The following INPP4B variants were observed in gnomAD, a reference collection of about 807,000 sequenced individuals.
INPP4B encodes the protein inositol polyphosphate-4-phosphatase type II B.
A neutral mutation model predicts 122.5 loss-of-function variants in INPP4B; 55 were observed. That is an observed-to-expected ratio of 0.45 (90% confidence interval 0.36 to 0.56). The LOEUF is 0.56. INPP4B is among the 20% of genes least tolerant of loss of function. The pLI is 0.00. For synonymous variants in INPP4B, 403 were observed against 388.7 expected, an observed-to-expected ratio of 1.04 and a Z score of -0.43; for missense variants, 1,000 against 1,097.7, an observed-to-expected ratio of 0.91 and a Z score of 1.26.
chr4:142,785,124 G>A (rs1775561593), intron 1 of INPP4B, among the ~76,000 whole-genome samples: 1 of 152,064 alleles, frequency 6.6e-6, no homozygotes, highest in Non-Finnish European at 1.5e-5. Context: ...GAAACTCGAA[G>A]ACAACAGAGG....
intron 1 of INPP4B, among the ~76,000 whole-genome samples, chr4:142,756,473 G>A (rs1451699934): frequency 1.3e-5 from 2 of 151,970 alleles, no homozygotes; most frequent in Non-Finnish European, 2.9e-5. Context: ...CATCTTATAA[G>A]ATCCTTGATA....
At chr4:142,298,184 GA>G (rs1276371654) in intron 9 of INPP4B, among the ~76,000 whole-genome samples, 4 of 152,306 alleles carry the variant, frequency 2.6e-5, no homozygotes, top group African/African-American at 9.6e-5. Flanking sequence ...GGTTATAGAA[GA>G]AAAGCATGAG....
chr4:142,626,747 A>C (rs943773644), intron 2 of INPP4B, among the ~76,000 whole-genome samples: 7 of 151,976 alleles, frequency 4.6e-5, no homozygotes, highest in Non-Finnish European at 1.0e-4. Flanking sequence ...CAACATATTC[A>C]CTCTGTCTTT....
chr4:142,740,337 A>G (rs1767721462), intron 1 of INPP4B, among the ~76,000 whole-genome samples: 1 of 152,132 alleles, frequency 6.6e-6, no homozygotes. Flanking sequence ...ATTGTGCTCA[A>G]TAAGTAGATT....
intron 7 of INPP4B, among the ~76,000 whole-genome samples, chr4:142,344,750 A>G (rs745546407): frequency 3.9e-5 from 6 of 152,020 alleles, no homozygotes; most frequent in Non-Finnish European, 7.4e-5. Flanking sequence ...GGATCAGGAA[A>G]AATAATGCAT....
At chr4:142,843,406 T>C (rs1049701636) in intron 1 of INPP4B, among the ~76,000 whole-genome samples, 4 of 151,916 alleles carry the variant, frequency 2.6e-5, no homozygotes, top group Non-Finnish European at 5.9e-5. Context: ...ATGGAAAAGA[T>C]TCCTTAAGGC....
At chr4:142,190,749 CGT>C (rs959487660) in intron 15 of INPP4B, among the ~76,000 whole-genome samples, 7 of 125,156 alleles carry the variant, frequency 5.6e-5, no homozygotes, top group African/African-American at 2.0e-4. Flanking sequence ...TGTGTGTGCG[CGT>C]GTGTGTTGAT....
intron 2 of INPP4B, among the ~76,000 whole-genome samples, chr4:142,481,043 G>A (rs1820457041): frequency 6.7e-6 from 1 of 149,566 alleles, no homozygotes; most frequent in African/African-American, 2.5e-5. Context: ...GCTGAGGCAG[G>A]AGAATCACTT....
intron 1 of INPP4B, among the ~76,000 whole-genome samples, chr4:142,800,649 C>T (rs998465005): frequency 2.2e-4 from 34 of 152,058 alleles, no homozygotes; most frequent in African/African-American, 7.0e-4. Flanking sequence ...CACTAAGTAA[C>T]CTTATTATGT....
In INPP4B at chr4:142,123,376, T is replaced by C; in HGVS notation, c.1933A>G (p.Thr645Ala). 2 of 1,613,084 alleles carry C rather than the reference T, an allele frequency of 1.2e-6. No homozygotes were observed. Among genetic ancestry groups the C allele is most frequent in the South Asian group, 1.1e-5 (1 of 91,004 alleles). ...AGGAAGCCTGGGTCATACAGACTTG[T>C]CTGTAATTTGATGATAAAACCACAA... ...LVCGFIIKLQ[T>A]SLYDPGFLQQ... is the part of the protein sequence containing the mutation. The change falls in exon 20 of 26, where the codon ACA (threonine) becomes GCA (alanine). Residue 645 changes from threonine to alanine, a missense_variant. By Grantham distance (58) the Thr-to-Ala change is moderately conservative. Transcript: ENST00000262992.
At chr4:142,755,473 C>T (rs1174825570) in intron 1 of INPP4B, among the ~76,000 whole-genome samples, 1 of 151,918 alleles carries the variant, frequency 6.6e-6, no homozygotes, top group Non-Finnish European at 1.5e-5. Context: ...TACTTCCAAA[C>T]ACAAAGCTAT....
At chr4:142,029,614 C>A in intron 25 of INPP4B, 1 of 985,046 alleles carries the variant, frequency 1.0e-6, no homozygotes, top group Non-Finnish European at 1.2e-6. Flanking sequence ...AATAGCCATT[C>A]TCTCCATAAA....
chr4:142,720,439 T>G (rs1764371472), intron 2 of INPP4B, among the ~76,000 whole-genome samples: 2 of 152,006 alleles, frequency 1.3e-5, no homozygotes, highest in African/African-American at 2.4e-5. Context: ...CCAGGTTTCC[T>G]CTTTCCCAAT....
At chr4:142,559,076 T>C (rs1203713434) in intron 2 of INPP4B, among the ~76,000 whole-genome samples, 1 of 152,156 alleles carries the variant, frequency 6.6e-6, no homozygotes, top group African/African-American at 2.4e-5. Context: ...TGGTGCACAA[T>C]GATTTCAGTC....
In INPP4B at chr4:142,113,985, G is replaced by T. The variant is rs1390004605; in HGVS notation, c.2136-1303C>A. 3.9e-5 allele frequency among the ~76,000 whole-genome samples: 6 copies of T among 152,042 alleles called. No homozygotes were observed. In the East Asian group the frequency reaches 1.2e-3, roughly 29 times the overall value. ...TATACTACCACCGCTAGCCCAGAAA[G>T]CCACACATCTATTTTCTCTCTGTTT... is the stretch of plus-strand genomic sequence containing the variant. On this transcript the variant is annotated intron_variant, in intron 21 of 25. Coordinates refer to ENST00000262992, the MANE Select transcript of INPP4B (RefSeq NM_001101669.3).
At chr4:142,376,879 T>C (rs1298792940) in intron 7 of INPP4B, among the ~76,000 whole-genome samples, 1 of 152,036 alleles carries the variant, frequency 6.6e-6, no homozygotes, top group Non-Finnish European at 1.5e-5. Context: ...GGATCAAATG[T>C]GGTGCTCTCT....
chr4:142,813,351 A>G (rs555524634), intron 1 of INPP4B, among the ~76,000 whole-genome samples: 8 of 152,316 alleles, frequency 5.3e-5, no homozygotes, highest in Admixed American at 1.3e-4. Flanking sequence ...TGGATCTCCT[A>G]GAAAACAAAC....
intron 11 of INPP4B, among the ~76,000 whole-genome samples, chr4:142,240,333 C>T (rs190531042): frequency 7.8e-4 from 118 of 152,144 alleles, no homozygotes; most frequent in African/African-American, 2.6e-3. Flanking sequence ...CAAGCCACCA[C>T]GCCTGGCCTT....
intron 19 of INPP4B, 136 bp from the exon 20 acceptor site, chr4:142,123,551 C>T (rs1421037116): frequency 1.3e-6 from 1 of 785,412 alleles, no homozygotes; most frequent in South Asian, 2.0e-5. Context: ...ATTTGGTAGG[C>T]ATAGTAAAAC....
Sources: gnomAD v4.1 joint callset for allele counts (sites outside exome capture counted in the v4.1 genomes callset) on GRCh38, gnomAD v4.1.1 for gene constraint, MANE v1.5 for transcripts, NCBI Gene and HGNC (gene_info 2026-07-23, HGNC 2026-07-21) for gene names.